NMT2: variants seen among roughly 807,000 people sequenced by gnomAD.
NMT2 encodes glycylpeptide N-tetradecanoyltransferase 2.
In NMT2, 35 loss-of-function variants were observed where a neutral mutation model predicts 65.4. The ratio of observed to expected loss-of-function variants is 0.54; its 90% CI spans 0.41 to 0.71. The LOEUF is 0.71. NMT2 is among the 30% of genes least tolerant of loss of function. The pLI is 0.00. For synonymous variants in NMT2, 226 were observed against 231.8 expected, an observed-to-expected ratio of 0.98 and a Z score of 0.23; for missense variants, 489 against 611.3, an observed-to-expected ratio of 0.80 and a Z score of 2.11.
intron 1 of NMT2, among the ~76,000 whole-genome samples, chr10:15,168,043 C>T (rs1050327214): frequency 6.6e-6 from 1 of 152,196 alleles, no homozygotes; most frequent in African/African-American, 2.4e-5. Context: ...TTTCGGGTGG[C>T]GGCTGCGGAG....
At position 15,163,381 on chromosome 10, in the gene NMT2, C is replaced by CA. The variant is rs556426241; in HGVS notation, c.110+5121dup. Among the ~76,000 whole-genome samples, 8 of 152,242 alleles carry CA rather than the reference C, an allele frequency of 5.3e-5. No homozygotes were observed. In the South Asian group the frequency reaches 1.7e-3, roughly 32 times the overall value. ...CATTTGCACTAACAAACAAAGATGG[C>CA]AAAGTATGTGTCCTATATTTAGACA... On this transcript the variant is annotated intron_variant, in intron 1 of 11. Transcript: ENST00000378165.
chr10:15,114,378 G>A (rs1845675009), intron 9 of NMT2, among the ~76,000 whole-genome samples: 1 of 152,140 alleles, frequency 6.6e-6, no homozygotes, highest in Non-Finnish European at 1.5e-5. Context: ...ATCACCAACT[G>A]TTGGGGAAGA....
At chr10:15,144,821 G>A (rs10796262) in intron 1 of NMT2, among the ~76,000 whole-genome samples, 1 of 151,936 alleles carries the variant, frequency 6.6e-6, no homozygotes, top group Admixed American at 6.6e-5. Context: ...ATGGGGCAGC[G>A]GCTTTGAAAA....
rs529875248 is a variant in NMT2 at position 15,132,796 on chromosome 10, T to C, written c.719+21A>G. ...AGAAAATAAACATATAAAAACCGCA[T>C]GGACGAGCTTAAACATGTACCTGTC... On this transcript the variant is annotated intron_variant, in intron 6 of 11. Transcript: ENST00000378165. 1.5e-5 allele frequency: 23 copies of C among 1,505,434 alleles called. No individual in the cohort carries two copies. In the Admixed American group the frequency reaches 4.3e-4, roughly 28 times the overall value. 93.3% of individuals were successfully genotyped at this position (1,505,434 alleles called of 1,614,324 possible). A position where few individuals can be genotyped will look rare whatever the true frequency, so the allele number is the denominator to read the frequency against.
chr10:15,131,007 C>G lies in NMT2; in HGVS notation c.720-695G>C, dbSNP rs553393178. Among the ~76,000 whole-genome samples the G allele has an allele frequency of 8.4e-4, 128 of 152,122 alleles. 2 individuals carry two copies. The South Asian group carries it at 0.017, about 21-fold the overall frequency. On this transcript the variant is annotated intron_variant, in intron 6 of 11. Coordinates refer to ENST00000378165, the MANE Select transcript of NMT2 (RefSeq NM_004808.3). Reference sequence around the variant, plus strand: ...GTTTCACCATGTTGGCTACGCTGGTCTCGCATTCCTGACCTCATGATCTAC... The same window carrying G: ...GTTTCACCATGTTGGCTACGCTGGTGTCGCATTCCTGACCTCATGATCTAC...
chr10:15,155,170 A>T, intron 1 of NMT2: 1 of 1,533,394 alleles, frequency 6.5e-7, no homozygotes, highest in South Asian at 1.1e-5. Flanking sequence ...CTGTGAAAGC[A>T]GGAACCCTTA....
chr10:15,109,122 G>A lies in NMT2; in HGVS notation c.*73C>T. On this transcript the variant is annotated 3_prime_UTR_variant, in exon 12 of 12. Coordinates refer to ENST00000378165, the MANE Select transcript of NMT2 (RefSeq NM_004808.3). ...TTGAGTTGTGCTTTTATTCTTCTTT[G>A]GAATGGCAGTTCCAGAAATCATTAA... 1.9e-6 allele frequency: 3 copies of A among 1,578,592 alleles called. No individual in the cohort carries two copies. Among genetic ancestry groups the A allele is most frequent in the Non-Finnish European group, 2.6e-6 (3 of 1,168,596 alleles).
At chr10:15,109,667 G>T (rs1845441557) in intron 11 of NMT2, 35 bp downstream of exon 11, 15 of 1,510,232 alleles carry the variant, frequency 9.9e-6, no homozygotes, top group Non-Finnish European at 1.2e-5. Context: ...AGGTACATTT[G>T]TTGAGTTTAC....
Position 15,105,895 on chromosome 10 carries a change from A to G in NMT2, c.*3300T>C, listed in dbSNP as rs1191319243. The G allele has an allele frequency of 4.3e-6, 1 of 231,764 alleles. No individual in the cohort carries two copies. Among genetic ancestry groups the G allele is most frequent in the Non-Finnish European group, 9.0e-6 (1 of 110,758 alleles). The allele number at this position is 231,764 out of a possible 1,614,324, so 14.4% of individuals were successfully genotyped here. On this transcript the variant is annotated 3_prime_UTR_variant, in exon 12 of 12. Transcript: ENST00000378165. ...TTATTATTCTATTTAAAAGTGGTTA[A>G]TAATTTGATAACAAATTATGTAAAT...
At chr10:15,128,560 T>C in intron 7 of NMT2, 102 bp from the exon 8 acceptor site, 1 of 713,018 alleles carries the variant, frequency 1.4e-6, no homozygotes, top group Non-Finnish European at 2.5e-6. Context: ...ACTGAATACT[T>C]ACGTTGTACT....
intron 8 of NMT2, among the ~76,000 whole-genome samples, chr10:15,120,040 T>C (rs954922603): frequency 1.3e-5 from 2 of 152,224 alleles, no homozygotes; most frequent in Non-Finnish European, 2.9e-5. Flanking sequence ...ACTGGATCGT[T>C]GCATCTGTGC....
chr10:15,148,612 C>T (rs77672522), intron 1 of NMT2, among the ~76,000 whole-genome samples: 13,375 of 152,204 alleles, frequency 0.088, 730 homozygotes, highest in Middle Eastern at 0.22. Context: ...TCGGTACAAG[C>T]CAGCTATTAT....
intron 1 of NMT2, among the ~76,000 whole-genome samples, chr10:15,143,473 A>T (rs1026982017): frequency 3.3e-5 from 5 of 152,242 alleles, no homozygotes; most frequent in African/African-American, 1.2e-4. Flanking sequence ...TTACAGAGAG[A>T]TACAGAATAA....
chr10:15,117,190 T>G (rs554882170), intron 9 of NMT2, among the ~76,000 whole-genome samples: 1 of 152,228 alleles, frequency 6.6e-6, no homozygotes, highest in African/African-American at 2.4e-5. Context: ...ATAAAAATAA[T>G]TATACACCCT....
At chr10:15,135,802 G>T (rs964303537) in intron 2 of NMT2, among the ~76,000 whole-genome samples, 1 of 151,926 alleles carries the variant, frequency 6.6e-6, no homozygotes, top group Non-Finnish European at 1.5e-5. Flanking sequence ...CAGAGTAAAT[G>T]CTCTGCAGGA....
intron 1 of NMT2, chr10:15,155,221 T>C (rs1832952467): frequency 6.6e-7 from 1 of 1,524,836 alleles, no homozygotes; most frequent in Admixed American, 1.7e-5. Context: ...GCACGAAAGT[T>C]TTCTGTCTTT....
intron 9 of NMT2, among the ~76,000 whole-genome samples, chr10:15,115,351 AAAGT>A (rs995747447): frequency 3.3e-5 from 5 of 152,240 alleles, no homozygotes; most frequent in Non-Finnish European, 7.3e-5. Context: ...GACCTAAATA[AAAGT>A]AAGGTGACTC....
chr10:15,156,952 CA>C (rs993290145), intron 1 of NMT2, among the ~76,000 whole-genome samples: 3 of 151,922 alleles, frequency 2.0e-5, no homozygotes, highest in Admixed American at 2.0e-4. Context: ...ATTTGGAAAC[CA>C]AAATAAGCAC....
intron 1 of NMT2, among the ~76,000 whole-genome samples, chr10:15,145,229 G>A (rs549814558): frequency 2.0e-4 from 31 of 152,220 alleles, no homozygotes; most frequent in African/African-American, 6.8e-4. Flanking sequence ...TAGATTAGTG[G>A]TGGTCAGGGG....
Sources: gnomAD v4.1 joint callset for allele counts (sites outside exome capture counted in the v4.1 genomes callset) on GRCh38, gnomAD v4.1.1 for gene constraint, MANE v1.5 for transcripts, NCBI Gene and HGNC (gene_info 2026-07-23, HGNC 2026-07-21) for gene names.